Variants in MINK1 observed in about 807,000 individuals in gnomAD.
MINK1 encodes the protein misshapen like kinase 1.
In MINK1, 46 loss-of-function variants were observed where a neutral mutation model predicts 178.4. The ratio of observed to expected loss-of-function variants is 0.26; its 90% confidence interval spans 0.20 to 0.33. The LOEUF (loss-of-function observed/expected upper bound fraction) is 0.33, where lower values mean the gene tolerates loss of function less well. MINK1 is among the 10% of genes least tolerant of loss of function. The pLI, the probability that MINK1 is intolerant of heterozygous loss-of-function variation, is 1.00. For synonymous variants in MINK1, 797 were observed against 709.7 expected (o/e 1.12, Z -1.96); for missense variants, 1,366 against 1,814.9 (o/e 0.75, Z 4.49).
chr17:4,861,143 G>A (rs2150885256), intron 1 of MINK1, among the ~76,000 whole-genome samples: 1 of 152,314 alleles, frequency 6.6e-6, no homozygotes. Flanking sequence ...CATACCTGGA[G>A]CTGTGAGGGG....
Position 4,895,629 on chromosome 17 carries a change from G to C in MINK1, c.3230-69G>C, listed in dbSNP as rs1453902126. 1 of 1,583,744 alleles carries C rather than the reference G, an allele frequency of 6.3e-7. No homozygotes were observed. The highest frequency in any genetic ancestry group is 8.6e-7 in the Non-Finnish European group (1 of 1,162,678). Reference sequence around the variant, plus strand: ...CCCCTTGTGGTATGCTGACAGAGGAGGCCAGGGCGGTGGCATTCGGGCCTC... The same window carrying C: ...CCCCTTGTGGTATGCTGACAGAGGACGCCAGGGCGGTGGCATTCGGGCCTC... On this transcript the variant is annotated intron_variant, in intron 26 of 31. Coordinates refer to ENST00000355280, the MANE Select transcript of MINK1 (RefSeq NM_153827.5). The surrounding 1 kb of genome is among the most constrained non-coding windows in gnomAD (Gnocchi z 4.3).
At chr17:4,883,312 C>T (rs1967880287) in intron 4 of MINK1, 1 of 150,438 alleles carries the variant, frequency 6.6e-6, no homozygotes, top group Non-Finnish European at 1.5e-5. Flanking sequence ...TCAAGCGATT[C>T]TCCTGTGTCA....
chr17:4,895,099 G>A lies in MINK1; in HGVS notation c.2942G>A (p.Arg981Gln), dbSNP rs751800335. 11 of 1,613,400 alleles carry A rather than the reference G, an allele frequency of 6.8e-6. No individual in the cohort carries two copies. The highest frequency in any genetic ancestry group is 3.3e-5 in the South Asian group (3 of 91,084). The change falls in exon 25 of 32, where the codon CGG becomes CAG. Residue 981 changes from arginine to glutamine, a missense_variant. By Grantham distance (43) the Arg-to-Gln change is conservative (BLOSUM62 1). This residue lies in a region of MINK1 where 709 missense variants were observed against 692.3 expected (regional missense o/e 1.02). Transcript: ENST00000355280. This position sits in a 1 kb window ranked among gnomAD's most constrained non-coding sequence, Gnocchi z 4.3. ...GCCCTAGTGGGTGGAGAGGGCACTC[G>A]GCTCGACCAGCTGCAGTACGACGTG... ...ITALVGGEGT[R>Q]LDQLQYDVRK...
chr17:4,890,340 T>G (rs762105568), intron 13 of MINK1, 177 bp from the exon 14 acceptor site: 37 of 1,427,498 alleles, frequency 2.6e-5, no homozygotes, highest in Non-Finnish European at 2.9e-5. Context: ...TCTGGGAAGA[T>G]GCTTTTCAGA....
At chr17:4,864,137 T>C (rs1356167443) in intron 1 of MINK1, among the ~76,000 whole-genome samples, 1 of 151,578 alleles carries the variant, frequency 6.6e-6, no homozygotes, top group Admixed American at 6.6e-5. Flanking sequence ...CAGTGGCTCA[T>C]GCCTGTAATC....
chr17:4,893,133 G>T, intron 20 of MINK1, 66 bp downstream of exon 20: 1 of 1,516,536 alleles, frequency 6.6e-7, no homozygotes. Flanking sequence ...CAGGGTGCTG[G>T]GTGTCAGGGG....
rs747290359 is a variant in MINK1, at chr17:4,896,836, A to G, written c.3915+23A>G. The G allele has an allele frequency of 5.8e-6, 9 of 1,541,588 alleles. No homozygotes were observed. The highest frequency in any genetic ancestry group is 4.1e-5 in the African/African-American group (3 of 72,730). Reference sequence around the variant, plus strand: ...AAGGTGGGAGGCTCCTTCCCTCTGAAAGCCCTGCTGTCCCGGCTGCCATGA... The same window carrying G: ...AAGGTGGGAGGCTCCTTCCCTCTGAGAGCCCTGCTGTCCCGGCTGCCATGA... On this transcript the variant is annotated intron_variant, in intron 31 of 31. Coordinates refer to ENST00000355280, the MANE Select transcript of MINK1 (RefSeq NM_153827.5). The surrounding 1 kb of genome is among the most constrained non-coding windows in gnomAD (Gnocchi z 4.6).
At chr17:4,889,088 G>C (rs888540386) in intron 12 of MINK1, among the ~76,000 whole-genome samples, 3 of 152,224 alleles carry the variant, frequency 2.0e-5, no homozygotes, top group Non-Finnish European at 4.4e-5. Flanking sequence ...CAAGTGTAAG[G>C]GTCCCTCAGG....
rs774330444 is a variant in MINK1 at position 4,886,190 on chromosome 17, C to T, written c.765C>T (p.Ser255=). ...GGAACCCTCCGCCCAGGCTCAAGTC[C>T]AAGAAGTGGTAGGTCTCTGAGAGTG... ...IPRNPPPRLK[S]KKWSKKFIDF... The change falls in exon 9 of 32, where the codon TCC becomes TCT. Residue 255 remains serine (S), a synonymous_variant. Transcript: ENST00000355280. This position sits in a 1 kb window ranked among gnomAD's most constrained non-coding sequence, Gnocchi z 6.1. The T allele has an allele frequency of 2.0e-5, 32 of 1,613,798 alleles. No individual in the cohort carries two copies. The highest frequency in any genetic ancestry group is 2.7e-5 in the Non-Finnish European group (32 of 1,179,822).
intron 1 of MINK1, among the ~76,000 whole-genome samples, chr17:4,855,862 TA>T (rs1567571140): frequency 6.6e-6 from 1 of 151,114 alleles, no homozygotes; most frequent in Non-Finnish European, 1.5e-5. Context: ...TAATCCCAGC[TA>T]CTCAGGAGGC....
intron 4 of MINK1, chr17:4,883,122 A>G (rs1440625579): frequency 6.9e-6 from 1 of 144,660 alleles, no homozygotes; most frequent in African/African-American, 2.5e-5. Context: ...CCCTGTCTCA[A>G]AAAAAAAAAA....
intron 1 of MINK1, among the ~76,000 whole-genome samples, chr17:4,875,865 G>T (rs998899040): frequency 2.0e-5 from 3 of 146,520 alleles, no homozygotes; most frequent in Non-Finnish European, 4.5e-5. Context: ...GTGTGATCTC[G>T]GCTCACTGCA....
At chr17:4,844,443 C>A in intron 1 of MINK1, 1 of 449,356 alleles carries the variant, frequency 2.2e-6, no homozygotes, top group Non-Finnish European at 4.5e-6. Context: ...GTTTCATGGG[C>A]TGGAGACAGT....
At position 4,891,067 on chromosome 17, in the gene MINK1, C is replaced by G; in HGVS notation, c.1683C>G (p.Pro561=). The change falls in exon 15 of 32, where the codon CCC becomes CCG. Residue 561 remains proline, a synonymous_variant. Coordinates refer to ENST00000355280, the MANE Select transcript of MINK1 (RefSeq NM_153827.5). ...IPQASPGPPG[P]LSQTPPMQRP... is the part of the protein sequence containing the mutation. Reference sequence around the variant, plus strand: ...AGGCCTCCCCAGGGCCCCCAGGACCCCTTTCCCAGACTCCTCCTATGCAGA... The same window carrying G: ...AGGCCTCCCCAGGGCCCCCAGGACCGCTTTCCCAGACTCCTCCTATGCAGA... The G allele has an allele frequency of 1.9e-6, 3 of 1,553,844 alleles. No homozygotes were observed. Among genetic ancestry groups the G allele is most frequent in the Non-Finnish European group, 2.6e-6 (3 of 1,148,958 alleles).
chr17:4,835,268 C>G (rs183942356), intron 1 of MINK1, among the ~76,000 whole-genome samples: 11 of 152,180 alleles, frequency 7.2e-5, no homozygotes, highest in Admixed American at 7.2e-4. Flanking sequence ...ACCTTTCCTT[C>G]CTACCTTGGT....
chr17:4,880,853 T>C, intron 2 of MINK1, 131 bp from the exon 3 acceptor site: 1 of 806,812 alleles, frequency 1.2e-6, no homozygotes, highest in Non-Finnish European at 1.8e-6. Context: ...TGAGCCGAGA[T>C]CGCGCCACTG....
At chr17:4,861,277 C>T (rs1161480165) in intron 1 of MINK1, among the ~76,000 whole-genome samples, 1 of 152,176 alleles carries the variant, frequency 6.6e-6, no homozygotes, top group Non-Finnish European at 1.5e-5. Context: ...AGAGACGAGA[C>T]ATCTACCAAG....
At chr17:4,864,744 G>T (rs969829364) in intron 1 of MINK1, among the ~76,000 whole-genome samples, 2 of 152,150 alleles carry the variant, frequency 1.3e-5, no homozygotes, top group South Asian at 2.1e-4. Flanking sequence ...GAGCTATGGG[G>T]AGAGTGGACA....
At position 4,895,638 on chromosome 17, in the gene MINK1, G is replaced by A. The variant is rs548010911; in HGVS notation, c.3230-60G>A. On this transcript the variant is annotated intron_variant, in intron 26 of 31. Transcript: ENST00000355280. This position sits in a 1 kb window ranked among gnomAD's most constrained non-coding sequence, Gnocchi z 4.3. ...GTATGCTGACAGAGGAGGCCAGGGC[G>A]GTGGCATTCGGGCCTCAGATGAGAA... is the stretch of plus-strand genomic sequence containing the variant. 78 of 1,592,074 alleles carry A rather than the reference G, an allele frequency of 4.9e-5. No homozygotes were observed. In the African/African-American group the frequency reaches 5.0e-4, roughly 10 times the overall value.
Sources: allele counts gnomAD v4.1 joint callset (sites outside exome capture counted in the v4.1 genomes callset), GRCh38; gene constraint gnomAD v4.1.1; regional missense constraint gnomAD v4.1.1; non-coding constraint Gnocchi (gnomAD v3.1); transcripts MANE v1.5; gene names NCBI Gene and HGNC (gene_info 2026-07-23, HGNC 2026-07-21).